The following KIF26B variants were observed in gnomAD, a reference collection of about 807,000 sequenced individuals.
The protein encoded by KIF26B is kinesin-like protein KIF26B.
KIF26B carries 63 observed loss-of-function variants against 151.2 expected under a neutral mutation model. That is an observed-to-expected ratio of 0.42 (90% CI 0.34 to 0.51). The LOEUF (loss-of-function observed/expected upper bound fraction) is 0.51, where lower values mean the gene tolerates loss of function less well. Among genes scored for constraint, KIF26B ranks in the 20% least tolerant of loss-of-function variants. The pLI, the probability that KIF26B is intolerant of heterozygous loss-of-function variation, is 0.07. For synonymous variants in KIF26B, 1,357 were observed against 1,262.1 expected (o/e 1.08, Z -1.59); for missense variants, 2,813 against 2,913.6 (o/e 0.97, Z 0.79).
intron 2 of KIF26B, among the ~76,000 whole-genome samples, chr1:245,232,628 G>T (rs544665979): frequency 6.7e-6 from 1 of 149,030 alleles, no homozygotes; most frequent in African/African-American, 2.5e-5. Flanking sequence ...TCAGCTCACC[G>T]CAACCTCTGC....
rs541537008 is a variant in KIF26B, at chr1:245,177,000, G to A, written c.465+20317G>A. On this transcript the variant is annotated intron_variant, in intron 2 of 14. Transcript: ENST00000407071. ...AGGGAGGGTTTCGTTCTGTCGCCTC[G>A]ACTGGAGTGCAGCAGCATGATCCTA... Among the ~76,000 whole-genome samples the A allele has an allele frequency of 1.2e-4, 18 of 152,216 alleles. No homozygotes were observed. The East Asian group carries it at 3.5e-3, about 29-fold the overall frequency.
chr1:245,265,268 T>C (rs1045817714), intron 2 of KIF26B, among the ~76,000 whole-genome samples: 2 of 150,820 alleles, frequency 1.3e-5, no homozygotes, highest in Admixed American at 1.3e-4. Context: ...TAAATAGTTA[T>C]GACACGATGT....
chr1:245,419,740 T>G lies in KIF26B; in HGVS notation c.1161T>G (p.Phe387Leu), dbSNP rs376112505. Residue 387 changes from phenylalanine to leucine, a missense_variant, in exon 4 of 15, where the codon TTT (phenylalanine) becomes TTG (leucine). Transcript: ENST00000407071. ...GCACATCGGTGGCCGCCTCCTTCTT[T>G]GCACGGTAAGAGAGCTGTTCAGATC... is the stretch of plus-strand genomic sequence containing the variant. ...STGTSVAASF[F>L]ARAAQKLNLS... The G allele has an allele frequency of 6.8e-6, 11 of 1,610,942 alleles. No individual in the cohort carries two copies. Among genetic ancestry groups the G allele is most frequent in the Non-Finnish European group, 9.3e-6 (11 of 1,178,584 alleles).
At chr1:245,314,936 T>C (rs1157396924) in intron 2 of KIF26B, among the ~76,000 whole-genome samples, 1 of 152,118 alleles carries the variant, frequency 6.6e-6, no homozygotes, top group Non-Finnish European at 1.5e-5. Context: ...ATCCCAGCAC[T>C]TTGGGAGGCC....
chr1:245,406,502 C>A (rs1674138478), intron 3 of KIF26B, among the ~76,000 whole-genome samples: 1 of 152,068 alleles, frequency 6.6e-6, no homozygotes, highest in Middle Eastern at 3.2e-3. Flanking sequence ...GTGACGTAGG[C>A]CCTGGGAAGG....
intron 9 of KIF26B, 125 bp downstream of exon 9, chr1:245,612,101 T>A (rs796586648): frequency 0.021 from 10,612 of 495,964 alleles, 139 homozygotes; most frequent in East Asian, 0.06. Context: ...TGTGTGTGTG[T>A]GTGTGAGAGA....
intron 3 of KIF26B, among the ~76,000 whole-genome samples, chr1:245,392,154 G>C (rs373213466): frequency 6.6e-6 from 1 of 152,004 alleles, no homozygotes; most frequent in Non-Finnish European, 1.5e-5. Context: ...CTCCTGAAAC[G>C]AAAGAGTTTG....
intron 10 of KIF26B, among the ~76,000 whole-genome samples, chr1:245,656,491 C>T (rs2044076313): frequency 6.6e-6 from 1 of 152,236 alleles, no homozygotes; most frequent in African/African-American, 2.4e-5. Flanking sequence ...TTAATGACGA[C>T]TAACCATCAT....
intron 3 of KIF26B, among the ~76,000 whole-genome samples, chr1:245,405,586 T>A (rs1037217009): frequency 7.2e-5 from 11 of 152,082 alleles, no homozygotes; most frequent in African/African-American, 2.7e-4. Context: ...TTTCTAGGAT[T>A]TTCAGTCATT....
chr1:245,203,171 T>G (rs151197979), intron 2 of KIF26B, among the ~76,000 whole-genome samples: 2 of 137,682 alleles, frequency 1.5e-5, no homozygotes, highest in African/African-American at 5.5e-5. Flanking sequence ...AGCTTGAACC[T>G]GGGAGGCAGA....
chr1:245,313,460 G>A (rs759555482), intron 2 of KIF26B, among the ~76,000 whole-genome samples: 1 of 152,226 alleles, frequency 6.6e-6, no homozygotes, highest in Non-Finnish European at 1.5e-5. Context: ...CTGTGGGCTG[G>A]CTCTAATTGT....
chr1:245,612,139 T>G (rs1222533624), intron 9 of KIF26B, among the ~76,000 whole-genome samples, 163 bp downstream of exon 9: 3 of 149,450 alleles, frequency 2.0e-5, no homozygotes, highest in African/African-American at 7.4e-5. Context: ...AGACAGGGTC[T>G]TGCTCTGTCA....
intron 4 of KIF26B, among the ~76,000 whole-genome samples, chr1:245,452,059 C>G (rs1255039421): frequency 6.6e-6 from 1 of 152,130 alleles, no homozygotes; most frequent in Non-Finnish European, 1.5e-5. Flanking sequence ...TTTTTCATCC[C>G]TCCAAACAAT....
chr1:245,686,133 C>G lies in KIF26B; in HGVS notation c.3150C>G (p.Leu1050=). 2 of 1,611,998 alleles carry G rather than the reference C, an allele frequency of 1.2e-6. No homozygotes were observed. Among genetic ancestry groups the G allele is most frequent in the South Asian group, 1.1e-5 (1 of 91,000 alleles). ...SPSLQSSRES[L]NSCGFVEGKP... ...GCCTCCAGAGCAGCCGGGAGAGCCTCAACTCCTGCGGCTTCGTGGAAGGCA... is the reference window on the plus strand; with the variant it reads ...GCCTCCAGAGCAGCCGGGAGAGCCTGAACTCCTGCGGCTTCGTGGAAGGCA... The change falls in exon 12 of 15, where the codon CTC becomes CTG. Residue 1050 remains leucine (L), a synonymous_variant. Transcript: ENST00000407071. This position sits in a 1 kb window ranked among gnomAD's most constrained non-coding sequence, Gnocchi z 5.6.
chr1:245,497,598 T>G (rs1660539025), intron 4 of KIF26B, among the ~76,000 whole-genome samples: 1 of 152,190 alleles, frequency 6.6e-6, no homozygotes, highest in African/African-American at 2.4e-5. Flanking sequence ...AATGAAATGA[T>G]GAAAATTTTA....
rs572027478 is a variant in KIF26B at position 245,564,706 on chromosome 1, T to G, written c.1350+23756T>G. Among the ~76,000 whole-genome samples the G allele has an allele frequency of 3.9e-5, 6 of 152,306 alleles. No individual in the cohort carries two copies. Among genetic ancestry groups the G allele is most frequent in the African/African-American group, 1.4e-4 (6 of 41,572 alleles). On this transcript the variant is annotated intron_variant, in intron 5 of 14. Coordinates refer to ENST00000407071, the MANE Select transcript of KIF26B (RefSeq NM_018012.4). The surrounding 1 kb of genome is among the most constrained non-coding windows in gnomAD (Gnocchi z 4.6). ...CATTATAAAGCAGCAGCCCCCAGCC[T>G]GTAGGCACCAGGGACTGGTTTCACG...
chr1:245,346,506 A>G (rs1398923185), intron 2 of KIF26B, among the ~76,000 whole-genome samples: 1 of 152,026 alleles, frequency 6.6e-6, no homozygotes, highest in African/African-American at 2.4e-5. Context: ...TTCCTTGTGG[A>G]TTGACGCTCC....
At chr1:245,530,956 C>G (rs1661345427) in intron 4 of KIF26B, among the ~76,000 whole-genome samples, 1 of 152,168 alleles carries the variant, frequency 6.6e-6, no homozygotes, top group South Asian at 2.1e-4. Flanking sequence ...TTTTAAGCAG[C>G]TTCCAGCATT....
At chr1:245,434,917 TA>T (rs1051510048) in intron 4 of KIF26B, among the ~76,000 whole-genome samples, 2 of 152,088 alleles carry the variant, frequency 1.3e-5, no homozygotes, top group African/African-American at 4.8e-5. Flanking sequence ...CTCATCCTTG[TA>T]CAAGGATATG....
Sources: allele counts gnomAD v4.1 joint callset (sites outside exome capture counted in the v4.1 genomes callset), GRCh38; gene constraint gnomAD v4.1.1; non-coding constraint Gnocchi (gnomAD v3.1); transcripts MANE v1.5; gene names NCBI Gene and HGNC (gene_info 2026-07-23, HGNC 2026-07-21).